DAZAP1: variants seen among roughly 807,000 people sequenced by gnomAD.
The protein encoded by DAZAP1 is DAZ-associated protein 1.
A neutral mutation model predicts 60.1 loss-of-function variants in DAZAP1; 6 were observed. The observed-to-expected ratio is 0.10, with a 90% CI of 0.05 to 0.20. DAZAP1 has a LOEUF of 0.20. Ranked by LOEUF, DAZAP1 falls within the 10% of genes least tolerant of loss-of-function variation. The pLI, the probability that DAZAP1 is intolerant of heterozygous loss-of-function variation, is 1.00. For synonymous variants in DAZAP1, 235 were observed against 215.9 expected, an observed-to-expected ratio of 1.09 and a Z score of -0.78; for missense variants, 366 against 560.4, an observed-to-expected ratio of 0.65 and a Z score of 3.50.
In DAZAP1 at chr19:1,422,777, C is replaced by T. The variant is rs561284296; in HGVS notation, c.463+381C>T. Among the ~76,000 whole-genome samples, 3 of 152,062 alleles carry T rather than the reference C, an allele frequency of 2.0e-5. No homozygotes were observed. The highest frequency in any genetic ancestry group is 6.5e-5 in the Admixed American group (1 of 15,270). Reference sequence around the variant, plus strand: ...GTGTCGTCAGCTGGGTCAGCTGGCTCGGTGTGGAGTTTGGATTTTCCGTGA... The same window carrying T: ...GTGTCGTCAGCTGGGTCAGCTGGCTTGGTGTGGAGTTTGGATTTTCCGTGA... On this transcript the variant is annotated intron_variant, in intron 6 of 11. Coordinates refer to ENST00000233078, the MANE Select transcript of DAZAP1 (RefSeq NM_018959.4). This position sits in a 1 kb window ranked among gnomAD's most constrained non-coding sequence, Gnocchi z 4.5.
chr19:1,431,871 G>A (rs2083461108), intron 10 of DAZAP1, among the ~76,000 whole-genome samples: 1 of 152,172 alleles, frequency 6.6e-6, no homozygotes, highest in South Asian at 2.1e-4. Context: ...CCCTGGGGGT[G>A]TTTGACAATT....
Position 1,407,820 on chromosome 19 carries a change from G to C in DAZAP1, c.29+18G>C. On this transcript the variant is annotated intron_variant, in intron 1 of 11. Transcript: ENST00000233078. ...GAGATCGGGTGAGGACGAGCGGCGC[G>C]GGCCTGCGTCTCCGCCCCGAGCCCG... 2.1e-5 allele frequency: 22 copies of C among 1,069,716 alleles called. No individual in the cohort carries two copies. Among genetic ancestry groups the C allele is most frequent in the Non-Finnish European group, 2.1e-5 (19 of 884,282 alleles). The allele number at this position is 1,069,716 out of a possible 1,614,324, so 66.3% of individuals were successfully genotyped here.
At chr19:1,412,163 G>A in intron 1 of DAZAP1, among the ~76,000 whole-genome samples, 1 of 152,144 alleles carries the variant, frequency 6.6e-6, no homozygotes. Flanking sequence ...TCCAGTTCAC[G>A]GACCGCTCCT....
rs545023733 is a variant in DAZAP1 at position 1,428,669 on chromosome 19, A to G, written c.547-173A>G. 3.4e-5 allele frequency: 28 copies of G among 834,790 alleles called. No individual in the cohort carries two copies. The African/African-American group carries it at 4.6e-4, about 14-fold the overall frequency. The allele number at this position is 834,790 out of a possible 1,614,324, so 51.7% of individuals were successfully genotyped here. A position where few individuals can be genotyped will look rare whatever the true frequency, so the allele number is the denominator to read the frequency against. ...TTTTTAAACAAAAAAATTCAACACA[A>G]AAGAATTTTTTAAGAAAAAAATGCT... On this transcript the variant is annotated intron_variant, in intron 7 of 11. Coordinates refer to ENST00000233078, the MANE Select transcript of DAZAP1 (RefSeq NM_018959.4). The surrounding 1 kb of genome is among the most constrained non-coding windows in gnomAD (Gnocchi z 4.0).
chr19:1,409,068 C>G (rs980033603), intron 1 of DAZAP1, among the ~76,000 whole-genome samples: 4 of 152,206 alleles, frequency 2.6e-5, no homozygotes, highest in African/African-American at 9.7e-5. Context: ...GGCTCTCCCC[C>G]TCCCCAGACA....
Position 1,432,918 on chromosome 19 carries a change from A to C in DAZAP1, c.1048+228A>C. ...CGCAGCAGAGCACTCGTCATACAGCAGGTGCTGCAGGGCCTGCATGTGTGG... is the reference window on the plus strand; with the variant it reads ...CGCAGCAGAGCACTCGTCATACAGCCGGTGCTGCAGGGCCTGCATGTGTGG... On this transcript the variant is annotated intron_variant, in intron 11 of 11. Transcript: ENST00000233078. The surrounding 1 kb of genome is among the most constrained non-coding windows in gnomAD (Gnocchi z 4.9). 7.3e-6 allele frequency: 4 copies of C among 549,696 alleles called. No individual in the cohort carries two copies. Among genetic ancestry groups the C allele is most frequent in the Non-Finnish European group, 1.3e-5 (4 of 311,572 alleles). The allele number at this position is 549,696 out of a possible 1,614,324, so 34.1% of individuals were successfully genotyped here. A position where few individuals can be genotyped will look rare whatever the true frequency, so the allele number is the denominator to read the frequency against.
intron 1 of DAZAP1, among the ~76,000 whole-genome samples, chr19:1,413,759 G>A (rs2082893882): frequency 6.6e-6 from 1 of 152,196 alleles, no homozygotes; most frequent in South Asian, 2.1e-4. Context: ...TGAAACGAAA[G>A]CTATCTGTTG....
chr19:1,429,088 C>T (rs1273624931), intron 8 of DAZAP1, 93 bp downstream of exon 8: 38 of 1,402,788 alleles, frequency 2.7e-5, no homozygotes, highest in Admixed American at 1.1e-4. Flanking sequence ...GCCTCCCCAC[C>T]TCTGCTGTGC....
At position 1,422,170 on chromosome 19, in the gene DAZAP1, G is replaced by C. The variant is rs2083175869; in HGVS notation, c.415-178G>C. On this transcript the variant is annotated intron_variant, in intron 5 of 11. Transcript: ENST00000233078. The surrounding 1 kb of genome is among the most constrained non-coding windows in gnomAD (Gnocchi z 4.5). The stretch of plus-strand genomic sequence containing the variant: ...CTGCGTCTGGCCCTGGGAGTGTTGG[G>C]GCTCCAGCCTTTCTCAGACAGCAGC... Among the ~76,000 whole-genome samples, 1 of 152,212 alleles carries C rather than the reference G, an allele frequency of 6.6e-6. No homozygotes were observed. The highest frequency in any genetic ancestry group is 2.4e-5 in the African/African-American group (1 of 41,460).
In DAZAP1 at chr19:1,421,222, G is replaced by A. The variant is rs200940888; in HGVS notation, c.378G>A (p.Glu126=). The change falls in exon 5 of 12, where the codon GAG becomes GAA. Residue 126 remains glutamate, a synonymous_variant. Coordinates refer to ENST00000233078, the MANE Select transcript of DAZAP1 (RefSeq NM_018959.4). ...FVGGIPHNCG[E]TELREYFKKF... ...GTGGAATTCCTCACAATTGTGGTGA[G>A]ACAGAGCTCAGGGAATACTTCAAGA... 4 of 1,614,210 alleles carry A rather than the reference G, an allele frequency of 2.5e-6. No homozygotes were observed. The highest frequency in any genetic ancestry group is 3.4e-6 in the Non-Finnish European group (4 of 1,180,028).
At chr19:1,421,404 G>A in intron 5 of DAZAP1, 146 bp downstream of exon 5, 1 of 679,076 alleles carries the variant, frequency 1.5e-6, no homozygotes, top group South Asian at 1.8e-5. Context: ...CCCAACGCCT[G>A]CGCCCTCCGG....
In DAZAP1 at chr19:1,410,954, A is replaced by G. The variant is rs559077750; in HGVS notation, c.29+3152A>G. On this transcript the variant is annotated intron_variant, in intron 1 of 11. Coordinates refer to ENST00000233078, the MANE Select transcript of DAZAP1 (RefSeq NM_018959.4). ...ATACCCAGGACTGTGGCCGGGGGCCATGCAGCTCAGAGCCAGGCCCATGGC... is the reference window on the plus strand; with the variant it reads ...ATACCCAGGACTGTGGCCGGGGGCCGTGCAGCTCAGAGCCAGGCCCATGGC... Among the ~76,000 whole-genome samples the G allele has an allele frequency of 7.2e-5, 11 of 152,364 alleles. No individual in the cohort carries two copies. The South Asian group carries it at 2.1e-3, about 29-fold the overall frequency.
rs549583311 is a variant in DAZAP1 at position 1,434,583 on chromosome 19, G to A, written c.1049-154G>A. On this transcript the variant is annotated intron_variant, in intron 11 of 11. Coordinates refer to ENST00000233078, the MANE Select transcript of DAZAP1 (RefSeq NM_018959.4). This position sits in a 1 kb window ranked among gnomAD's most constrained non-coding sequence, Gnocchi z 8.0. ...AGAACATGCCCGGGGTCCTCTCCCC[G>A]GCCCAGGTGCTGGCCTCAGAAGGGC... 9.0e-6 allele frequency: 6 copies of A among 670,260 alleles called. No homozygotes were observed. Among genetic ancestry groups the A allele is most frequent in the South Asian group, 1.9e-5 (1 of 52,220 alleles). 41.5% of individuals were successfully genotyped at this position (670,260 alleles called of 1,614,324 possible). A position where few individuals can be genotyped will look rare whatever the true frequency, so the allele number is the denominator to read the frequency against.
intron 1 of DAZAP1, among the ~76,000 whole-genome samples, chr19:1,410,955 T>C (rs769285698): frequency 7.3e-4 from 111 of 152,338 alleles, no homozygotes; most frequent in Admixed American, 3.7e-3. Flanking sequence ...CCGGGGGCCA[T>C]GCAGCTCAGA....
At position 1,430,248 on chromosome 19, in the gene DAZAP1, A is replaced by G; in HGVS notation, c.757A>G (p.Arg253Gly). The change falls in exon 10 of 12, where the codon AGA (arginine) becomes GGA (glycine). Residue 253 changes from arginine (R) to glycine (G), a missense_variant. Physicochemically the swap from Arg to Gly is moderately radical, Grantham distance 125 (BLOSUM62 -2). Around this residue, in one of 3 missense-constraint regions of DAZAP1, gnomAD observed 240 missense variants for 308.8 expected, o/e 0.78. Coordinates refer to ENST00000233078, the MANE Select transcript of DAZAP1 (RefSeq NM_018959.4). ...TGGCTATGGACCGCCCCCTGCAGGA[A>G]GAGGAGCCCCCCCGCCACCCCCACC... ...IGGYGPPPAG[R>G]GAPPPPPPFT... 1 of 1,510,048 alleles carries G rather than the reference A, an allele frequency of 6.6e-7. No individual in the cohort carries two copies. Among genetic ancestry groups the G allele is most frequent in the Non-Finnish European group, 9.0e-7 (1 of 1,108,292 alleles). The allele number at this position is 1,510,048 out of a possible 1,614,324, so 93.5% of individuals were successfully genotyped here.
chr19:1,422,145 C>T lies in DAZAP1; in HGVS notation c.415-203C>T, dbSNP rs912596164. Among the ~76,000 whole-genome samples, 5 of 152,250 alleles carry T rather than the reference C, an allele frequency of 3.3e-5. No homozygotes were observed. The highest frequency in any genetic ancestry group is 2.6e-4 in the Admixed American group (4 of 15,290). On this transcript the variant is annotated intron_variant, in intron 5 of 11. Transcript: ENST00000233078. The surrounding 1 kb of genome is among the most constrained non-coding windows in gnomAD (Gnocchi z 4.5). ...CTGCCCTGGAGCTGCTTCTCCCTGC[C>T]TGCGTCTGGCCCTGGGAGTGTTGGG...
At position 1,422,077 on chromosome 19, in the gene DAZAP1, G is replaced by C. The variant is rs1366764776; in HGVS notation, c.415-271G>C. Among the ~76,000 whole-genome samples, 1 of 152,142 alleles carries C rather than the reference G, an allele frequency of 6.6e-6. No homozygotes were observed. Among genetic ancestry groups the C allele is most frequent in the African/African-American group, 2.4e-5 (1 of 41,448 alleles). ...GCCCTTCATGTCCGTCAGCACACAC[G>C]TGAGCGGGGCCACGGGCAGCCCGGA... On this transcript the variant is annotated intron_variant, in intron 5 of 11. Transcript: ENST00000233078. The surrounding 1 kb of genome is among the most constrained non-coding windows in gnomAD (Gnocchi z 4.5).
In DAZAP1 at chr19:1,416,684, A is replaced by C. The variant is rs971846630; in HGVS notation, c.30-816A>C. ...CAGCCAAGGCCCTGGGGCCACCTGGAGCGGCAGTGAGGTGGAAAGGTGAGT... is the reference window on the plus strand; with the variant it reads ...CAGCCAAGGCCCTGGGGCCACCTGGCGCGGCAGTGAGGTGGAAAGGTGAGT... On this transcript the variant is annotated intron_variant, in intron 1 of 11. Coordinates refer to ENST00000233078, the MANE Select transcript of DAZAP1 (RefSeq NM_018959.4). The surrounding 1 kb of genome is among the most constrained non-coding windows in gnomAD (Gnocchi z 4.3). 4 of 152,484 alleles carry C rather than the reference A, an allele frequency of 2.6e-5. No individual in the cohort carries two copies. The highest frequency in any genetic ancestry group is 9.7e-5 in the African/African-American group (4 of 41,450). The allele number at this position is 152,484 out of a possible 1,614,324, so 9.4% of individuals were successfully genotyped here.
In DAZAP1 at chr19:1,418,607, C is replaced by T. The variant is rs2083056933; in HGVS notation, c.238-59C>T. ...GCCGTGGCTGCTGTTGTGCTGACAC[C>T]CTCTTTCCTAGAGAAACAGCCTCTT... On this transcript the variant is annotated intron_variant, in intron 3 of 11. Coordinates refer to ENST00000233078, the MANE Select transcript of DAZAP1 (RefSeq NM_018959.4). The surrounding 1 kb of genome is among the most constrained non-coding windows in gnomAD (Gnocchi z 5.7). The T allele has an allele frequency of 3.7e-6, 6 of 1,605,006 alleles. No homozygotes were observed. The highest frequency in any genetic ancestry group is 3.3e-5 in the South Asian group (3 of 90,834).
Sources: gnomAD v4.1 joint callset for allele counts (sites outside exome capture counted in the v4.1 genomes callset) on GRCh38, gnomAD v4.1.1 for gene constraint, gnomAD v4.1.1 regional missense constraint, Gnocchi (gnomAD v3.1) non-coding constraint, MANE v1.5 for transcripts, NCBI Gene and HGNC (gene_info 2026-07-23, HGNC 2026-07-21) for gene names.